Variants in GRB14 observed in about 807,000 individuals in gnomAD.
GRB14 encodes the protein growth factor receptor-bound protein 14.
GRB14 carries 38 observed loss-of-function variants against 69.1 expected under a neutral mutation model. That is an observed-to-expected ratio of 0.55 (90% CI 0.42 to 0.72). The LOEUF is 0.72. Ranked by LOEUF, GRB14 falls within the 30% of genes least tolerant of loss-of-function variation. GRB14 has a pLI of 0.00. For synonymous variants in GRB14, 247 were observed against 241.3 expected (o/e 1.02, Z -0.22); for missense variants, 666 against 666.1 (o/e 1.00, Z 0.00).
chr2:164,575,445 CGTAA>C (rs1406165070), intron 2 of GRB14, among the ~76,000 whole-genome samples: 7 of 151,760 alleles, frequency 4.6e-5, no homozygotes, highest in Non-Finnish European at 2.9e-5. Context: ...TATAATAAAA[CGTAA>C]GTAATATGAG....
intron 2 of GRB14, among the ~76,000 whole-genome samples, chr2:164,560,119 C>T (rs1467258124): frequency 6.6e-6 from 1 of 152,174 alleles, no homozygotes; most frequent in Non-Finnish European, 1.5e-5. Context: ...AGCCACAGAA[C>T]CCCATTTCTG....
intron 2 of GRB14, among the ~76,000 whole-genome samples, chr2:164,575,420 A>C (rs544215661): frequency 1.3e-5 from 2 of 152,326 alleles, no homozygotes; most frequent in East Asian, 3.9e-4. Context: ...CCAATCATGT[A>C]TGTGATTATG....
At chr2:164,523,141 G>A (rs1470203350) in intron 5 of GRB14, among the ~76,000 whole-genome samples, 1 of 152,064 alleles carries the variant, frequency 6.6e-6, no homozygotes, top group Non-Finnish European at 1.5e-5. Flanking sequence ...AACTCTCTTA[G>A]AAGGGGACCT....
At chr2:164,567,699 C>G (rs373776594) in intron 2 of GRB14, among the ~76,000 whole-genome samples, 2 of 151,964 alleles carry the variant, frequency 1.3e-5, no homozygotes, top group African/African-American at 4.8e-5. Flanking sequence ...ATAATCTTTA[C>G]AAAAAACTAA....
intron 2 of GRB14, among the ~76,000 whole-genome samples, chr2:164,557,058 G>A (rs892387331): frequency 2.0e-5 from 3 of 152,176 alleles, no homozygotes; most frequent in Non-Finnish European, 2.9e-5. Flanking sequence ...CTGAACAAAG[G>A]TGGCTTAGGT....
intron 2 of GRB14, among the ~76,000 whole-genome samples, chr2:164,615,914 T>G (rs1690279536): frequency 6.6e-6 from 1 of 152,186 alleles, no homozygotes; most frequent in Non-Finnish European, 1.5e-5. Context: ...AATAGGTGTT[T>G]AGGGTTCATT....
chr2:164,585,127 T>A (rs1172449198), intron 2 of GRB14, among the ~76,000 whole-genome samples: 1 of 111,638 alleles, frequency 9.0e-6, no homozygotes, highest in Non-Finnish European at 1.8e-5. Context: ...TTTTTTTTTT[T>A]AGTAGAGATG....
intron 3 of GRB14, among the ~76,000 whole-genome samples, chr2:164,545,325 A>T (rs1041378429): frequency 2.0e-5 from 3 of 152,174 alleles, no homozygotes; most frequent in Admixed American, 2.0e-4. Context: ...TGGAAAAAAA[A>T]TTTTGCAGAC....
chr2:164,583,806 T>C (rs1369416719), intron 2 of GRB14, among the ~76,000 whole-genome samples: 2 of 152,198 alleles, frequency 1.3e-5, no homozygotes, highest in Non-Finnish European at 2.9e-5. Flanking sequence ...CATTTCTTCA[T>C]AGATTTTCTG....
intron 2 of GRB14, among the ~76,000 whole-genome samples, chr2:164,581,568 G>A (rs569391877): frequency 6.6e-6 from 1 of 152,282 alleles, no homozygotes; most frequent in Non-Finnish European, 1.5e-5. Flanking sequence ...CACCTGCCCT[G>A]CCACCCAAAC....
At chr2:164,619,021 G>A (rs1488967627) in intron 2 of GRB14, among the ~76,000 whole-genome samples, 1 of 152,162 alleles carries the variant, frequency 6.6e-6, no homozygotes, top group African/African-American at 2.4e-5. Context: ...GTACAGCCAT[G>A]ATGTATTTTC....
intron 3 of GRB14, among the ~76,000 whole-genome samples, chr2:164,527,761 A>C (rs954917043): frequency 6.6e-6 from 1 of 152,058 alleles, no homozygotes; most frequent in African/African-American, 2.4e-5. Context: ...TTGTATTAAC[A>C]ATGAAGATAA....
At chr2:164,599,333 T>A (rs1370964776) in intron 2 of GRB14, among the ~76,000 whole-genome samples, 1 of 152,132 alleles carries the variant, frequency 6.6e-6, no homozygotes, top group Non-Finnish European at 1.5e-5. Context: ...ATCAGAGCCT[T>A]CCAAGAGGAT....
chr2:164,508,717 A>C, intron 7 of GRB14, 25 bp downstream of exon 7: 1 of 1,527,868 alleles, frequency 6.5e-7, no homozygotes, highest in Non-Finnish European at 8.9e-7. Context: ...TGCTTTATTC[A>C]TCTATCAAAA....
chr2:164,588,034 A>G (rs1689577342), intron 2 of GRB14, among the ~76,000 whole-genome samples: 2 of 152,322 alleles, frequency 1.3e-5, no homozygotes, highest in South Asian at 4.1e-4. Context: ...CCACATTGGA[A>G]GCATGGTGGT....
intron 6 of GRB14, among the ~76,000 whole-genome samples, chr2:164,518,025 A>C (rs1687540715): frequency 6.6e-6 from 1 of 152,226 alleles, no homozygotes; most frequent in South Asian, 2.1e-4. Flanking sequence ...TGGACTTAAC[A>C]GATATTTACA....
At chr2:164,566,543 G>T (rs1353054038) in intron 2 of GRB14, among the ~76,000 whole-genome samples, 1 of 152,046 alleles carries the variant, frequency 6.6e-6, no homozygotes, top group Non-Finnish European at 1.5e-5. Flanking sequence ...GTGACCATTG[G>T]CAGCTCAGAT....
chr2:164,503,442 CAAAAAAAAAAAAAAAAAAAAAAA>C (rs148268784), intron 8 of GRB14, among the ~76,000 whole-genome samples: 2 of 92,240 alleles, frequency 2.2e-5, no homozygotes, highest in African/African-American at 1.3e-4. Flanking sequence ...GGTAATTAGG[CAAAAAAAAAAAAAAAAAAAAAAA>C]AAAAAAAAAA....
chr2:164,621,325 G>C lies in GRB14; in HGVS notation c.-16C>G. 1 of 1,281,698 alleles carries C rather than the reference G, an allele frequency of 7.8e-7. No individual in the cohort carries two copies. The highest frequency in any genetic ancestry group is 9.9e-7 in the Non-Finnish European group (1 of 1,014,452). The allele number at this position is 1,281,698 out of a possible 1,614,324, so 79.4% of individuals were successfully genotyped here. A position where few individuals can be genotyped will look rare whatever the true frequency, so the allele number is the denominator to read the frequency against. On this transcript the variant is annotated 5_prime_UTR_variant, in exon 1 of 14. Coordinates refer to ENST00000263915, the MANE Select transcript of GRB14 (RefSeq NM_004490.3). This position sits in a 1 kb window ranked among gnomAD's most constrained non-coding sequence, Gnocchi z 6.0. ...AAGTGGTCATTGTCGCCGGCCGGGG[G>C]GCTCGGGCGTCATGGGAGACTCGGC...
Sources: allele counts gnomAD v4.1 joint callset (sites outside exome capture counted in the v4.1 genomes callset), GRCh38; gene constraint gnomAD v4.1.1; non-coding constraint Gnocchi (gnomAD v3.1); transcripts MANE v1.5; gene names NCBI Gene and HGNC (gene_info 2026-07-23, HGNC 2026-07-21).